SEC14L5: variants seen among roughly 807,000 people sequenced by gnomAD.
The protein encoded by SEC14L5 is SEC14-like protein 5.
In SEC14L5, 96 loss-of-function variants were observed where a neutral mutation model predicts 84.6. The ratio of observed to expected loss-of-function variants is 1.13; its 90% confidence interval spans 0.96 to 1.34. The LOEUF (loss-of-function observed/expected upper bound fraction) is 1.34. Ranked by LOEUF, SEC14L5 falls within the 40% of genes most tolerant of loss-of-function variation. SEC14L5 has a pLI of 0.00. For synonymous variants in SEC14L5, 546 were observed against 383.4 expected (o/e 1.42, Z -4.95); for missense variants, 1,224 against 942.5 (o/e 1.30, Z -3.91).
chr16:4,987,499 G>GAGC (rs1555529514), intron 2 of SEC14L5, 58 bp from the exon 3 acceptor site: 3 of 1,298,344 alleles, frequency 2.3e-6, no homozygotes, highest in Non-Finnish European at 3.1e-6. Context: ...GGTCGCGCTG[G>GAGC]GGGGGGGGGT....
chr16:4,987,852 G>A, intron 3 of SEC14L5, 146 bp downstream of exon 3: 1 of 704,996 alleles, frequency 1.4e-6, no homozygotes, highest in Non-Finnish European at 2.3e-6. Flanking sequence ...GAGGTTCCAG[G>A]ATGAGGGTGG....
intron 2 of SEC14L5, among the ~76,000 whole-genome samples, chr16:4,977,461 A>AAGG (rs1955358283): frequency 7.6e-5 from 2 of 26,232 alleles, no homozygotes; most frequent in South Asian, 1.7e-3. Flanking sequence ...AAAAAAAAAA[A>AAGG]AAAAAAAAGG....
chr16:5,016,339 G>T lies in SEC14L5; in HGVS notation c.*1369G>T, dbSNP rs1181245140. ...GGTCACCAACTTGAAGCCTGATCTGGCCTGCTTTTAGTGTTGCTTTTTTGC... is the reference window on the plus strand; with the variant it reads ...GGTCACCAACTTGAAGCCTGATCTGTCCTGCTTTTAGTGTTGCTTTTTTGC... On this transcript the variant is annotated 3_prime_UTR_variant, in exon 16 of 16. Transcript: ENST00000251170. 2.0e-5 allele frequency: 3 copies of T among 152,156 alleles called. No homozygotes were observed. Among genetic ancestry groups the T allele is most frequent in the Non-Finnish European group, 2.9e-5 (2 of 68,030 alleles). The allele number at this position is 152,156 out of a possible 1,614,324, so 9.4% of individuals were successfully genotyped here.
chr16:4,987,740 G>A (rs960019233), intron 3 of SEC14L5, 34 bp downstream of exon 3: 24 of 1,444,550 alleles, frequency 1.7e-5, no homozygotes, highest in Non-Finnish European at 2.2e-5. Flanking sequence ...GCGGAGGAGG[G>A]GACCTGTTGC....
chr16:4,993,638 A>G (rs1194907058), intron 6 of SEC14L5, among the ~76,000 whole-genome samples: 2 of 152,256 alleles, frequency 1.3e-5, no homozygotes, highest in African/African-American at 2.4e-5. Context: ...AACATGGTAC[A>G]TGTGAGTACT....
chr16:4,979,634 C>G (rs1323849781), intron 2 of SEC14L5, among the ~76,000 whole-genome samples: 5 of 152,168 alleles, frequency 3.3e-5, no homozygotes, highest in Non-Finnish European at 7.3e-5. Flanking sequence ...AACATTCACC[C>G]CAGGAGAAGG....
intron 2 of SEC14L5, among the ~76,000 whole-genome samples, chr16:4,967,758 A>G (rs1955222184): frequency 6.7e-6 from 1 of 149,130 alleles, no homozygotes; most frequent in Non-Finnish European, 1.5e-5. Flanking sequence ...TTTTTAATAG[A>G]GATGGGGTTT....
In SEC14L5 at chr16:4,991,442, T is replaced by G. The variant is rs1234512552; in HGVS notation, c.475-396T>G. On this transcript the variant is annotated intron_variant, in intron 5 of 15. Coordinates refer to ENST00000251170, the MANE Select transcript of SEC14L5 (RefSeq NM_014692.2). ...TTAGGTGGGTGTGGTGGTGTGTGCC[T>G]ATAGTCCCAGCTGCTCAGGAGGCTG... Among the ~76,000 whole-genome samples, 6 of 152,050 alleles carry G rather than the reference T, an allele frequency of 3.9e-5. No individual in the cohort carries two copies. In the East Asian group the frequency reaches 1.2e-3, roughly 29 times the overall value.
chr16:5,003,017 T>C (rs1427281787), intron 10 of SEC14L5, among the ~76,000 whole-genome samples: 1 of 152,246 alleles, frequency 6.6e-6, no homozygotes, highest in Non-Finnish European at 1.5e-5. Context: ...TAGGCCTAAA[T>C]GGCCACTTGT....
intron 4 of SEC14L5, 123 bp downstream of exon 4, chr16:4,988,403 G>A: frequency 8.0e-7 from 1 of 1,250,032 alleles, no homozygotes; most frequent in South Asian, 1.5e-5. Context: ...CTGGGGCATT[G>A]TCAAGAAAGA....
chr16:4,962,962 C>T (rs1463488637), intron 2 of SEC14L5, among the ~76,000 whole-genome samples: 20 of 152,206 alleles, frequency 1.3e-4, no homozygotes, highest in Non-Finnish European at 5.9e-5. Flanking sequence ...GTCTTTGTTT[C>T]GCAGTTAAAC....
At chr16:4,977,106 TG>T (rs1196669902) in intron 2 of SEC14L5, among the ~76,000 whole-genome samples, 1 of 152,178 alleles carries the variant, frequency 6.6e-6, no homozygotes, top group Non-Finnish European at 1.5e-5. Context: ...GTCACAGCAA[TG>T]TTTAACAAGG....
At chr16:4,983,812 G>A (rs1955455265) in intron 2 of SEC14L5, among the ~76,000 whole-genome samples, 1 of 151,750 alleles carries the variant, frequency 6.6e-6, no homozygotes, top group Admixed American at 6.6e-5. Context: ...GGGAGGTGGA[G>A]GTTGCAGTGA....
At chr16:4,969,633 C>T (rs1261623628) in intron 2 of SEC14L5, among the ~76,000 whole-genome samples, 1 of 152,128 alleles carries the variant, frequency 6.6e-6, no homozygotes, top group East Asian at 1.9e-4. Context: ...ATCCACCCAC[C>T]TTGGCCTCCC....
At chr16:4,968,415 G>A (rs915612416) in intron 2 of SEC14L5, among the ~76,000 whole-genome samples, 2 of 152,174 alleles carry the variant, frequency 1.3e-5, no homozygotes, top group African/African-American at 4.8e-5. Context: ...CCGACCTCAG[G>A]TGATCCGCCT....
rs145531258 is a variant in SEC14L5, at chr16:4,991,891, G to C, written c.528G>C (p.Ser176=). ...ATGAGCTCATCTCCCAGGGTACCTC[G>C]CACATTCCGCGCTGGACGCCTGCCC... is the stretch of plus-strand genomic sequence containing the variant. ...YLNELISQGT[S]HIPRWTPAPV... The change falls in exon 6 of 16, where the codon TCG becomes TCC. Residue 176 remains serine, a synonymous_variant. Transcript: ENST00000251170. 3.7e-6 allele frequency: 6 copies of C among 1,609,554 alleles called. No individual in the cohort carries two copies. The highest frequency in any genetic ancestry group is 4.2e-6 in the Non-Finnish European group (5 of 1,178,800).
At chr16:5,005,304 G>C (rs1005756622) in intron 11 of SEC14L5, among the ~76,000 whole-genome samples, 1 of 151,786 alleles carries the variant, frequency 6.6e-6, no homozygotes. Flanking sequence ...GACAGAGCGA[G>C]ACTCTGTCTC....
At chr16:4,997,325 C>G (rs1368831430) in intron 8 of SEC14L5, among the ~76,000 whole-genome samples, 1 of 152,228 alleles carries the variant, frequency 6.6e-6, no homozygotes, top group East Asian at 1.9e-4. Context: ...GTCCCAAATT[C>G]CTAATCTCAA....
rs764695992 is a variant in SEC14L5 at position 4,959,390 on chromosome 16, A to T, written c.63+4A>T. 1 of 1,613,324 alleles carries T rather than the reference A, an allele frequency of 6.2e-7. No individual in the cohort carries two copies. Among genetic ancestry groups the T allele is most frequent in the South Asian group, 1.1e-5 (1 of 91,062 alleles). The stretch of plus-strand genomic sequence containing the variant: ...CCCGTTTGAGCTGGTCATGGCGGTG[A>T]GTGACTCCTGATTCTTGGGCCCCCA... On this transcript the variant is annotated splice_donor_region_variant and intron_variant, in intron 2 of 15. Coordinates refer to ENST00000251170, the MANE Select transcript of SEC14L5 (RefSeq NM_014692.2).
Sources: allele counts gnomAD v4.1 joint callset (sites outside exome capture counted in the v4.1 genomes callset), GRCh38; gene constraint gnomAD v4.1.1; transcripts MANE v1.5; gene names NCBI Gene and HGNC (gene_info 2026-07-23, HGNC 2026-07-21).